The following KRABD3 variants were observed in gnomAD, a reference collection of about 807,000 sequenced individuals.
The protein encoded by KRABD3 is KRAB domain containing 3.
the KRABD3 span, among the ~76,000 whole-genome samples, chr7:149,717,344 A>G: frequency 6.6e-6 from 1 of 152,152 alleles, no homozygotes; most frequent in Non-Finnish European, 1.5e-5. Flanking sequence ...CTGACACCTA[A>G]ATACCTGGAA....
chr7:149,725,466 A>C, the KRABD3 span: 1 of 1,610,280 alleles, frequency 6.2e-7, no homozygotes, highest in African/African-American at 1.3e-5. Context: ...CTGAACTGCA[A>C]CCCCACAGAT....
the KRABD3 span, chr7:149,731,926 T>G: frequency 1.7e-6 from 1 of 606,054 alleles, no homozygotes; most frequent in Admixed American, 2.9e-5. Flanking sequence ...CTTTCAGTGT[T>G]TTATCACAGA....
At chr7:149,721,469 C>A in the KRABD3 span, 2 of 1,613,058 alleles carry the variant, frequency 1.2e-6, no homozygotes, top group South Asian at 2.2e-5. Context: ...GGCCACCACG[C>A]CCACCGACAG....
chr7:149,729,039 C>A, the KRABD3 span: 1 of 652,824 alleles, frequency 1.5e-6, no homozygotes, highest in Non-Finnish European at 2.4e-6. Context: ...TTCAGGCGCT[C>A]CCTGGAACAT....
At chr7:149,717,810 C>T in the KRABD3 span, among the ~76,000 whole-genome samples, 37 of 152,144 alleles carry the variant, frequency 2.4e-4, no homozygotes, top group Non-Finnish European at 8.8e-5. Context: ...ACAAGGCTGC[C>T]GGTTAGTGGC....
the KRABD3 span, among the ~76,000 whole-genome samples, chr7:149,724,407 G>A: frequency 6.6e-6 from 1 of 152,172 alleles, no homozygotes; most frequent in African/African-American, 2.4e-5. Context: ...GATTGGTGCT[G>A]TCTGGGGAGG....
the KRABD3 span, chr7:149,722,645 T>C: frequency 2.7e-6 from 4 of 1,487,506 alleles, no homozygotes; most frequent in African/African-American, 2.8e-5. Flanking sequence ...CTGGGCCTGG[T>C]GGCAGCTCCA....
chr7:149,718,632 C>T, the KRABD3 span, among the ~76,000 whole-genome samples: 1 of 150,222 alleles, frequency 6.7e-6, no homozygotes, highest in Non-Finnish European at 1.5e-5. Flanking sequence ...AATTCTCCTG[C>T]CTCAGCCTCC....
the KRABD3 span, chr7:149,724,568 C>T: frequency 9.4e-7 from 1 of 1,069,312 alleles, no homozygotes; most frequent in Non-Finnish European, 1.3e-6. Flanking sequence ...TTGGAAGCCC[C>T]TCCTAACCCT....
At chr7:149,734,161 T>A in the KRABD3 span, 17 of 1,371,232 alleles carry the variant, frequency 1.2e-5, no homozygotes, top group East Asian at 3.0e-4. Context: ...TCTCCCTTAC[T>A]GTTGCTGGGA....
chr7:149,721,608 A>C, the KRABD3 span: 4 of 1,503,388 alleles, frequency 2.7e-6, no homozygotes, highest in East Asian at 4.8e-5. Flanking sequence ...GAGGACCTGG[A>C]CCCTGTGCCC....
At chr7:149,728,375 G>C in the KRABD3 span, 6,723 of 941,368 alleles carry the variant, frequency 7.1e-3, 183 homozygotes, top group African/African-American at 0.059. Flanking sequence ...GCAGGGCCGC[G>C]CCAGAGCCAG....
At chr7:149,731,472 G>T in the KRABD3 span, among the ~76,000 whole-genome samples, 3 of 152,208 alleles carry the variant, frequency 2.0e-5, no homozygotes, top group South Asian at 2.1e-4. Flanking sequence ...CCTGCATACA[G>T]GGCAGGAACA....
chr7:149,727,469 G>A, the KRABD3 span, among the ~76,000 whole-genome samples: 2 of 152,254 alleles, frequency 1.3e-5, no homozygotes, highest in African/African-American at 2.4e-5. Flanking sequence ...TGAAGCCTTC[G>A]GCACTCCAGC....
At chr7:149,731,649 A>T in the KRABD3 span, 1 of 1,575,926 alleles carries the variant, frequency 6.3e-7, no homozygotes, top group Non-Finnish European at 8.7e-7. Context: ...CCCTGCCCCA[A>T]GGTCTCTGTG....
chr7:149,719,311 T>C, the KRABD3 span: 4 of 416,642 alleles, frequency 9.6e-6, no homozygotes, highest in Admixed American at 8.5e-5. This position sits in a 1 kb window ranked among gnomAD's most constrained non-coding sequence, Gnocchi z 5.6. Flanking sequence ...CTGCAGGGAC[T>C]CTGTTTCTAA....
the KRABD3 span, chr7:149,720,999 G>A: frequency 6.2e-7 from 1 of 1,613,060 alleles, no homozygotes; most frequent in East Asian, 2.2e-5. Flanking sequence ...GGGTAAGTCA[G>A]ACAGTGGGGC....
chr7:149,716,162 C>A, the KRABD3 span, among the ~76,000 whole-genome samples: 2 of 152,102 alleles, frequency 1.3e-5, no homozygotes, highest in Admixed American at 6.6e-5. Context: ...ATCAGGGAGC[C>A]CGAGCCTGAG....
the KRABD3 span, among the ~76,000 whole-genome samples, chr7:149,726,426 G>A: frequency 4.0e-5 from 6 of 151,538 alleles, no homozygotes; most frequent in African/African-American, 9.7e-5. Flanking sequence ...GTAAGACTCC[G>A]TCTATACAGA....
Sources: gnomAD v4.1 joint callset for allele counts (sites outside exome capture counted in the v4.1 genomes callset) on GRCh38, gnomAD v4.1.1 for gene constraint, Gnocchi (gnomAD v3.1) non-coding constraint, MANE v1.5 for transcripts, NCBI Gene and HGNC (gene_info 2026-07-23, HGNC 2026-07-21) for gene names.